SC5D: variants seen among roughly 807,000 people sequenced by gnomAD.
The protein encoded by SC5D is sterol-C5-desaturase.
SC5D carries 21 observed loss-of-function variants against 23.9 expected under a neutral mutation model. The observed-to-expected ratio is 0.88, with a 90% CI of 0.62 to 1.26. The LOEUF is 1.26. SC5D is among the 50% of genes most tolerant of loss of function. The pLI is 0.00. For synonymous variants in SC5D, 113 were observed against 125.9 expected, an observed-to-expected ratio of 0.90 and a Z score of 0.68; for missense variants, 309 against 364.8, an observed-to-expected ratio of 0.85 and a Z score of 1.25.
intron 1 of SC5D, among the ~76,000 whole-genome samples, chr11:121,302,089 G>A (rs367658745): frequency 4.7e-4 from 71 of 152,202 alleles, no homozygotes; most frequent in African/African-American, 1.6e-3. Context: ...AAATCCCTGT[G>A]GGAATTTAGT....
At chr11:121,295,430 G>A (rs1188450041) in intron 1 of SC5D, among the ~76,000 whole-genome samples, 6 of 152,122 alleles carry the variant, frequency 3.9e-5, no homozygotes, top group African/African-American at 1.4e-4. Context: ...CACACATTTC[G>A]TCTGGCTCAG....
Position 121,307,728 on chromosome 11 carries a change from C to A in SC5D, c.*216C>A, listed in dbSNP as rs1947978475. 4.2e-6 allele frequency: 2 copies of A among 480,828 alleles called. No individual in the cohort carries two copies. The highest frequency in any genetic ancestry group is 3.7e-6 in the Non-Finnish European group (1 of 272,164). The allele number at this position is 480,828 out of a possible 1,614,324, so 29.8% of individuals were successfully genotyped here. On this transcript the variant is annotated 3_prime_UTR_variant, in exon 5 of 5. Coordinates refer to ENST00000264027, the MANE Select transcript of SC5D (RefSeq NM_006918.5). ...GGACTTTAATCTTATGCTTAAAATG[C>A]CAGATGTTGTTCGGGGGACAACTTG...
chr11:121,305,197 A>T (rs1947955022), intron 3 of SC5D: 1 of 149,848 alleles, frequency 6.7e-6, no homozygotes, highest in African/African-American at 2.5e-5. Context: ...AGGATCTAGT[A>T]TGTAAAAAGC....
chr11:121,306,354 T>G (rs778529709), intron 3 of SC5D, 32 bp from the exon 4 acceptor site: 4 of 1,140,954 alleles, frequency 3.5e-6, no homozygotes, highest in Non-Finnish European at 4.0e-6. Context: ...GAGCTGAGTT[T>G]TGATTCTTCT....
intron 1 of SC5D, among the ~76,000 whole-genome samples, chr11:121,295,571 A>G (rs1404014952): frequency 6.6e-6 from 1 of 152,138 alleles, no homozygotes. Flanking sequence ...TCTGAGGGCA[A>G]ATTGTGAGGG....
intron 1 of SC5D, among the ~76,000 whole-genome samples, chr11:121,302,764 T>G (rs1947934495): frequency 6.6e-6 from 1 of 152,166 alleles, no homozygotes; most frequent in Non-Finnish European, 1.5e-5. Context: ...TGATTAGAGG[T>G]AGAGAAATAA....
chr11:121,302,718 G>A (rs779235431), intron 1 of SC5D, among the ~76,000 whole-genome samples: 1 of 152,152 alleles, frequency 6.6e-6, no homozygotes, highest in African/African-American at 2.4e-5. Context: ...AGTTTGGCCC[G>A]TGGGCTGCAA....
chr11:121,307,840 C>CCTG lies in SC5D; in HGVS notation c.*328_*329insCTG. The CCTG allele has an allele frequency of 4.8e-6, 1 of 209,592 alleles. No individual in the cohort carries two copies. 13.0% of individuals were successfully genotyped at this position (209,592 alleles called of 1,614,324 possible). A position where few individuals can be genotyped will look rare whatever the true frequency, so the allele number is the denominator to read the frequency against. On this transcript the variant is annotated 3_prime_UTR_variant, in exon 5 of 5. Coordinates refer to ENST00000264027, the MANE Select transcript of SC5D (RefSeq NM_006918.5). The stretch of plus-strand genomic sequence containing the variant: ...AGAATAAATTATTGAGGGGACTAGG[C>CCTG]TATATGCATTTGCCTTCATCCACCC...
rs1947979771 is a variant in SC5D, at chr11:121,307,888, C to T, written c.*376C>T. ...CCCATGTTTATTAAGAATCATTGTG[C>T]TTAATAATACCAAGACTAAGCACCA... On this transcript the variant is annotated 3_prime_UTR_variant, in exon 5 of 5. Coordinates refer to ENST00000264027, the MANE Select transcript of SC5D (RefSeq NM_006918.5). 5.7e-6 allele frequency: 1 copy of T among 175,180 alleles called. No homozygotes were observed. The highest frequency in any genetic ancestry group is 2.4e-5 in the African/African-American group (1 of 41,764). The allele number at this position is 175,180 out of a possible 1,614,324, so 10.9% of individuals were successfully genotyped here.
chr11:121,298,670 G>T (rs1480380173), intron 1 of SC5D, among the ~76,000 whole-genome samples: 1 of 152,130 alleles, frequency 6.6e-6, no homozygotes, highest in Non-Finnish European at 1.5e-5. Context: ...GGCACTTTTT[G>T]GGTGATGGGG....
In SC5D at chr11:121,310,434, C is replaced by T. The variant is rs1414115950; in HGVS notation, c.*2922C>T. On this transcript the variant is annotated 3_prime_UTR_variant, in exon 5 of 5. Transcript: ENST00000264027. Reference sequence around the variant, plus strand: ...TAAAAAGAGGTGTGAGGCAGCTGTTCAGCCCTTCTGTCTCCTGTCCCTTTT... The same window carrying T: ...TAAAAAGAGGTGTGAGGCAGCTGTTTAGCCCTTCTGTCTCCTGTCCCTTTT... 6.7e-6 allele frequency among the ~76,000 whole-genome samples: 1 copy of T among 148,590 alleles called. No homozygotes were observed. Among genetic ancestry groups the T allele is most frequent in the African/African-American group, 2.5e-5 (1 of 40,408 alleles).
In SC5D at chr11:121,312,354, G is replaced by A. The variant is rs1948017213; in HGVS notation, c.*4842G>A. Among the ~76,000 whole-genome samples, 2 of 152,210 alleles carry A rather than the reference G, an allele frequency of 1.3e-5. No individual in the cohort carries two copies. Among genetic ancestry groups the A allele is most frequent in the South Asian group, 4.1e-4 (2 of 4,824 alleles). On this transcript the variant is annotated 3_prime_UTR_variant, in exon 5 of 5. Coordinates refer to ENST00000264027, the MANE Select transcript of SC5D (RefSeq NM_006918.5). ...CTCTAAGCTCAACTTGAAGATATAA[G>A]AACAGTAAATTTGATAAAAATGAGA...
intron 2 of SC5D, chr11:121,304,095 A>G: frequency 2.5e-6 from 1 of 400,084 alleles, no homozygotes; most frequent in Non-Finnish European, 4.6e-6. Context: ...AGAAATGGTT[A>G]TTCCATAAAT....
At chr11:121,307,020 A>C (rs771237277) in intron 4 of SC5D, 37 bp from the exon 5 acceptor site, 1 of 1,557,126 alleles carries the variant, frequency 6.4e-7, no homozygotes, top group Non-Finnish European at 8.9e-7. Flanking sequence ...GCACGGGGTA[A>C]AGTTTGCAGT....
At chr11:121,304,177 C>T in intron 2 of SC5D, 184 bp from the exon 3 acceptor site, 1 of 563,016 alleles carries the variant, frequency 1.8e-6, no homozygotes, top group Non-Finnish European at 3.1e-6. Context: ...TGCATTTTCT[C>T]AGTACAAAAG....
chr11:121,294,382 A>G (rs1336565188), intron 1 of SC5D, among the ~76,000 whole-genome samples: 1 of 152,154 alleles, frequency 6.6e-6, no homozygotes, highest in Non-Finnish European at 1.5e-5. Flanking sequence ...CTTTGCAACT[A>G]GATTGTGTGT....
intron 2 of SC5D, 141 bp from the exon 3 acceptor site, chr11:121,304,220 T>C (rs1947945851): frequency 1.4e-6 from 1 of 692,236 alleles, no homozygotes. Flanking sequence ...TTTTTATGTA[T>C]TTAAAATTTT....
chr11:121,301,443 G>T (rs962233018), intron 1 of SC5D, among the ~76,000 whole-genome samples: 1 of 151,834 alleles, frequency 6.6e-6, no homozygotes, highest in African/African-American at 2.4e-5. Context: ...TTAAACAGCT[G>T]GGAAGAGAAA....
intron 1 of SC5D, among the ~76,000 whole-genome samples, chr11:121,301,942 C>G (rs1280341811): frequency 6.6e-6 from 1 of 151,748 alleles, no homozygotes; most frequent in African/African-American, 2.4e-5. Context: ...TTAACAAACA[C>G]CGTAAGGATT....
Sources: allele counts gnomAD v4.1 joint callset (sites outside exome capture counted in the v4.1 genomes callset), GRCh38; gene constraint gnomAD v4.1.1; transcripts MANE v1.5; gene names NCBI Gene and HGNC (gene_info 2026-07-23, HGNC 2026-07-21).